The following KDM6A variants were observed in gnomAD, a reference collection of about 807,000 sequenced individuals.
KDM6A encodes the protein lysine-specific demethylase 6A.
A neutral mutation model predicts 117.6 loss-of-function variants in KDM6A; 11 were observed. The ratio of observed to expected loss-of-function variants is 0.09; its 90% CI spans 0.06 to 0.15. The LOEUF is 0.15. Ranked by LOEUF, KDM6A falls within the 10% of genes least tolerant of loss-of-function variation. The pLI is 1.00. For missense variants in KDM6A, 799 were observed against 1,077.3 expected, an observed-to-expected ratio of 0.74 and a Z score of 3.62; for synonymous variants, 384 against 396.1, an observed-to-expected ratio of 0.97 and a Z score of 0.36.
At chrX:45,068,766 T>TC (rs2044661778) in intron 17 of KDM6A, among the ~76,000 whole-genome samples, 9 of 106,364 alleles carry the variant, frequency 8.5e-5, no homozygotes, top group Non-Finnish European at 1.9e-5. Context: ...CTCCCCTCTC[T>TC]CCCTCCTCTC....
chrX:44,910,038 C>T (rs937865216), intron 2 of KDM6A, among the ~76,000 whole-genome samples: 2 of 111,579 alleles, frequency 1.8e-5, no homozygotes, highest in African/African-American at 6.5e-5. Flanking sequence ...GTTGTGTTTT[C>T]TATACTCTGT....
At chrX:45,012,197 ATTT>A (rs760991442) in intron 5 of KDM6A, among the ~76,000 whole-genome samples, 1,796 of 68,983 alleles carry the variant, frequency 0.026, 51 homozygotes, top group African/African-American at 0.11. Context: ...CCCAATGTAG[ATTT>A]TTTTTTTTTT....
intron 2 of KDM6A, among the ~76,000 whole-genome samples, chrX:44,953,165 A>G (rs763597442): frequency 9.0e-6 from 1 of 110,821 alleles, no homozygotes; most frequent in Non-Finnish European, 1.9e-5. Flanking sequence ...TCTGGGCTGC[A>G]CTGGAACTCT....
chrX:45,071,948 AT>A (rs1183728357), intron 18 of KDM6A, among the ~76,000 whole-genome samples: 1 of 110,220 alleles, frequency 9.1e-6, no homozygotes, highest in African/African-American at 3.3e-5. Context: ...CTAATTTTGT[AT>A]TTTTTAGTAG....
chrX:44,892,047 C>A (rs1020038002), intron 2 of KDM6A, among the ~76,000 whole-genome samples: 9 of 112,204 alleles, frequency 8.0e-5, no homozygotes, highest in Non-Finnish European at 1.3e-4. Flanking sequence ...ACAGGTCTTT[C>A]AATAAATTTT....
At chrX:44,969,060 G>A (rs2039184372) in intron 3 of KDM6A, among the ~76,000 whole-genome samples, 2 of 110,946 alleles carry the variant, frequency 1.8e-5, no homozygotes, top group South Asian at 3.8e-4. Flanking sequence ...AGACTTAAAG[G>A]ATAGACAGTA....
chrX:44,906,684 T>G (rs984367605), intron 2 of KDM6A, among the ~76,000 whole-genome samples: 3 of 109,893 alleles, frequency 2.7e-5, no homozygotes, highest in East Asian at 2.8e-4. Context: ...TGTGTGTATA[T>G]AGAGAGAGAG....
At chrX:44,896,213 A>G (rs971304051) in intron 2 of KDM6A, among the ~76,000 whole-genome samples, 3 of 108,782 alleles carry the variant, frequency 2.8e-5, no homozygotes, top group Admixed American at 9.9e-5. Flanking sequence ...AGCTGGGACT[A>G]CTGGCACCTG....
Position 45,085,936 on chromosome X carries a change from G to C in KDM6A, c.3661G>C (p.Val1221Leu), listed in dbSNP as rs1210704093. 1 of 1,198,360 alleles carries C rather than the reference G, an allele frequency of 8.3e-7. No homozygotes were observed. The highest frequency in any genetic ancestry group is 1.1e-6 in the Non-Finnish European group (1 of 883,704). The part of the protein sequence containing the change: ...IGPGDCEWFV[V>L]PEGYWGVLND... ...CCCAGGTGACTGTGAATGGTTTGTTGTTCCTGAAGGTTACTGGGGTGTTCT... is the reference window on the plus strand; with the variant it reads ...CCCAGGTGACTGTGAATGGTTTGTTCTTCCTGAAGGTTACTGGGGTGTTCT... The change falls in exon 25 of 30, where the codon GTT becomes CTT. Residue 1221 changes from valine to leucine, a missense_variant. This residue lies in a region of KDM6A where 291 missense variants were observed against 437.9 expected (regional missense o/e 0.66). Coordinates refer to ENST00000611820, the MANE Select transcript of KDM6A (RefSeq NM_001291415.2).
At position 45,090,769 on chromosome X, in the gene KDM6A, G is replaced by A. The variant is rs2148203771; in HGVS notation, c.3939G>A (p.Leu1313=). The A allele has an allele frequency of 2.5e-6, 3 of 1,208,545 alleles. No individual in the cohort carries two copies. The East Asian group carries it at 8.9e-5, about 36-fold the overall frequency. ...LAVERYEWNK[L]QSVKSIVPMV... is the part of the protein sequence containing the mutation. ...TGGAACGGTACGAATGGAACAAATT[G>A]CAAAGTGTGAAGTCAATAGTACCCA... The change falls in exon 27 of 30, where the codon TTG becomes TTA. Residue 1313 remains leucine, a synonymous_variant. Transcript: ENST00000611820.
At chrX:44,912,149 C>T (rs769996173) in intron 2 of KDM6A, among the ~76,000 whole-genome samples, 2 of 110,486 alleles carry the variant, frequency 1.8e-5, no homozygotes, top group African/African-American at 3.3e-5. Context: ...AGTGCAATGG[C>T]GAGATCTTGG....
At chrX:45,079,093 T>C in intron 20 of KDM6A, 53 bp from the exon 21 acceptor site, 2 of 998,965 alleles carry the variant, frequency 2.0e-6, no homozygotes, top group East Asian at 3.2e-5. Flanking sequence ...GCACTTAAAA[T>C]ATTATCCCAA....
Position 44,873,414 on chromosome X carries a change from C to T in KDM6A, c.-138C>T. The T allele has an allele frequency of 1.1e-6, 1 of 911,999 alleles. No individual in the cohort carries two copies. Among genetic ancestry groups the T allele is most frequent in the Non-Finnish European group, 1.5e-6 (1 of 663,148 alleles). The allele number at this position is 911,999 out of a possible 1,213,427, so 75.2% of individuals were successfully genotyped here. On this transcript the variant is annotated 5_prime_UTR_variant, in exon 1 of 30. Coordinates refer to ENST00000611820, the MANE Select transcript of KDM6A (RefSeq NM_001291415.2). ...TCACCGCCGCCGCGTTGGGATTTTT[C>T]GTCGCCGCCGCCCGCGGCGGAGGAG...
chrX:44,894,620 A>AG (rs1405666654), intron 2 of KDM6A, among the ~76,000 whole-genome samples: 1 of 92,019 alleles, frequency 1.1e-5, no homozygotes, highest in Non-Finnish European at 2.1e-5. Context: ...TTAATTAATT[A>AG]ATTTTTTTTT....
chrX:45,096,982 C>G (rs1490129884), intron 27 of KDM6A, among the ~76,000 whole-genome samples: 1 of 111,995 alleles, frequency 8.9e-6, no homozygotes, highest in Non-Finnish European at 1.9e-5. Flanking sequence ...CAGTGGTAGA[C>G]TGCATAAAGA....
At chrX:45,015,194 C>T (rs1171754092) in intron 5 of KDM6A, among the ~76,000 whole-genome samples, 2 of 110,203 alleles carry the variant, frequency 1.8e-5, no homozygotes, top group African/African-American at 6.6e-5. Flanking sequence ...CTCAACCTCC[C>T]GGGGCTCTAG....
At chrX:44,967,485 C>T (rs762544746) in intron 3 of KDM6A, among the ~76,000 whole-genome samples, 56 of 111,539 alleles carry the variant, frequency 5.0e-4, no homozygotes, top group Admixed American at 5.0e-3. Flanking sequence ...TGTACATAGG[C>T]GACTTACTGG....
chrX:44,948,258 G>A lies in KDM6A; in HGVS notation c.226-13026G>A, dbSNP rs373252666. On this transcript the variant is annotated intron_variant, in intron 2 of 29. Transcript: ENST00000611820. ...TTTGAAAGACTTTGGCTGCCCTGGC[G>A]TCCTGGCTGTTTTATGCCTGGTAGC... Among the ~76,000 whole-genome samples the A allele has an allele frequency of 1.6e-4, 18 of 111,702 alleles. No individual in the cohort carries two copies. The East Asian group carries it at 3.9e-3, about 24-fold the overall frequency.
At chrX:45,075,142 A>G (rs1031281541) in intron 18 of KDM6A, among the ~76,000 whole-genome samples, 5 of 111,865 alleles carry the variant, frequency 4.5e-5, no homozygotes, top group African/African-American at 1.6e-4. Flanking sequence ...TATTTTGCTT[A>G]TATTCGATAG....
Sources: allele counts gnomAD v4.1 joint callset (sites outside exome capture counted in the v4.1 genomes callset), GRCh38; gene constraint gnomAD v4.1.1; regional missense constraint gnomAD v4.1.1; transcripts MANE v1.5; gene names NCBI Gene and HGNC (gene_info 2026-07-23, HGNC 2026-07-21).